The following RPA1 variants were observed in gnomAD, a reference collection of about 807,000 sequenced individuals.
RPA1 encodes the protein replication protein A 70 kDa DNA-binding subunit.
A neutral mutation model predicts 83.0 loss-of-function variants in RPA1; 49 were observed. That is an observed-to-expected ratio of 0.59 (90% CI 0.47 to 0.75). The LOEUF is 0.75. RPA1 is among the 30% of genes least tolerant of loss of function. The pLI is 0.00. For synonymous variants in RPA1, 279 were observed against 281.8 expected (o/e 0.99, Z 0.10); for missense variants, 693 against 776.1 (o/e 0.89, Z 1.27).
chr17:1,878,922 C>A, intron 8 of RPA1, 71 bp from the exon 9 acceptor site: 1 of 1,473,470 alleles, frequency 6.8e-7, no homozygotes, highest in South Asian at 1.1e-5. Flanking sequence ...TGTTCTATCC[C>A]AGTGTCACTT....
intron 8 of RPA1, among the ~76,000 whole-genome samples, chr17:1,878,167 G>A (rs1913638505): frequency 6.6e-6 from 1 of 151,632 alleles, no homozygotes; most frequent in Non-Finnish European, 1.5e-5. Flanking sequence ...CCAAGGAGGT[G>A]GAGGTTGGAG....
chr17:1,873,992 CAAAAAAA>C (rs71150832), intron 6 of RPA1, among the ~76,000 whole-genome samples: 8 of 45,442 alleles, frequency 1.8e-4, no homozygotes, highest in Admixed American at 3.2e-4. Flanking sequence ...GACTCTGTCT[CAAAAAAA>C]AAAAAAAAAA....
At chr17:1,891,700 A>C in intron 14 of RPA1, 133 bp from the exon 15 acceptor site, 1 of 578,402 alleles carries the variant, frequency 1.7e-6, no homozygotes, top group South Asian at 2.7e-5. Context: ...GATGACAGGC[A>C]TGAGCCCACT....
At chr17:1,865,412 A>G (rs1913139215) in intron 5 of RPA1, among the ~76,000 whole-genome samples, 1 of 152,242 alleles carries the variant, frequency 6.6e-6, no homozygotes, top group Admixed American at 6.5e-5. Context: ...TCTATTTCAC[A>G]TTTATATATT....
At chr17:1,832,551 T>C (rs902347709) in intron 1 of RPA1, among the ~76,000 whole-genome samples, 5 of 151,654 alleles carry the variant, frequency 3.3e-5, no homozygotes, top group Non-Finnish European at 7.4e-5. Context: ...GATGCCCGGC[T>C]AATTTTTGTA....
At chr17:1,896,952 C>A in intron 16 of RPA1, 119 bp from the exon 17 acceptor site, 2 of 799,874 alleles carry the variant, frequency 2.5e-6, no homozygotes, top group Non-Finnish European at 2.1e-6. Context: ...AATGACTGAA[C>A]TCTGAACCCG....
chr17:1,839,481 A>T (rs890130633), intron 1 of RPA1, among the ~76,000 whole-genome samples: 3 of 151,832 alleles, frequency 2.0e-5, no homozygotes, highest in African/African-American at 7.3e-5. Context: ...GCCCGCCACC[A>T]CACCCAGCCA....
At chr17:1,834,950 C>T (rs984402918) in intron 1 of RPA1, among the ~76,000 whole-genome samples, 12 of 152,130 alleles carry the variant, frequency 7.9e-5, no homozygotes, top group African/African-American at 2.9e-4. Context: ...CAACCTTCAC[C>T]TCCCAGGTTC....
chr17:1,890,797 G>C (rs761167151), intron 14 of RPA1, among the ~76,000 whole-genome samples: 13 of 152,190 alleles, frequency 8.5e-5, no homozygotes, highest in Non-Finnish European at 1.9e-4. Flanking sequence ...ATTTGTTTTA[G>C]TTTGTGGAAA....
At chr17:1,849,616 T>A (rs1273102931) in intron 4 of RPA1, among the ~76,000 whole-genome samples, 1 of 150,812 alleles carries the variant, frequency 6.6e-6, no homozygotes, top group East Asian at 1.9e-4. Context: ...ATTTGTCATT[T>A]TGTTTTTTTT....
rs1163887393 is a variant in RPA1, at chr17:1,830,118, G to A, written c.25G>A (p.Ala9Thr). The A allele has an allele frequency of 3.2e-6, 4 of 1,248,340 alleles. No individual in the cohort carries two copies. The highest frequency in any genetic ancestry group is 4.2e-5 in the Admixed American group (1 of 23,802). The allele number at this position is 1,248,340 out of a possible 1,614,324, so 77.3% of individuals were successfully genotyped here. ...CATGGTCGGCCAACTGAGCGAGGGGGCCATTGCGGTGAGGAGGTGCCGGGG... is the reference window on the plus strand; with the variant it reads ...CATGGTCGGCCAACTGAGCGAGGGGACCATTGCGGTGAGGAGGTGCCGGGG... The part of the protein sequence containing the change: MVGQLSEG[A>T]IAAIMQKGDT... Residue 9 changes from alanine to threonine, a missense_variant, in exon 1 of 17, where the codon GCC becomes ACC. Transcript: ENST00000254719.
At chr17:1,895,200 A>G in intron 16 of RPA1, 105 bp downstream of exon 16, 3 of 835,612 alleles carry the variant, frequency 3.6e-6, no homozygotes, top group Non-Finnish European at 5.7e-6. Context: ...ACTCACTGCC[A>G]GACCCCGGTG....
At chr17:1,881,534 G>T (rs977804642) in intron 12 of RPA1, among the ~76,000 whole-genome samples, 1 of 152,136 alleles carries the variant, frequency 6.6e-6, no homozygotes, top group African/African-American at 2.4e-5. Flanking sequence ...CGGTCCACAC[G>T]TATCTGCCGA....
chr17:1,843,036 G>A (rs1303939245), intron 2 of RPA1, among the ~76,000 whole-genome samples, 183 bp downstream of exon 2: 2 of 152,062 alleles, frequency 1.3e-5, no homozygotes, highest in South Asian at 2.1e-4. Context: ...ATGTTACTAC[G>A]TGAGCTGCTA....
intron 15 of RPA1, among the ~76,000 whole-genome samples, chr17:1,892,560 G>C (rs968938902): frequency 6.6e-5 from 10 of 152,184 alleles, no homozygotes; most frequent in Non-Finnish European, 1.0e-4. Flanking sequence ...GATGACTTAG[G>C]TCGGGAGGTG....
Position 1,880,711 on chromosome 17 carries a change from A to G in RPA1, c.1241+20A>G. The G allele has an allele frequency of 6.2e-7, 1 of 1,611,118 alleles. No homozygotes were observed. The highest frequency in any genetic ancestry group is 8.5e-7 in the Non-Finnish European group (1 of 1,178,810). ...TGGATGGTAGGTTTTGTGGGGCTAA[A>G]CAAAGGGTTACTTGAGGCTGGGCTT... On this transcript the variant is annotated intron_variant, in intron 12 of 16. Transcript: ENST00000254719.
chr17:1,888,777 C>G lies in RPA1; in HGVS notation c.1477C>G (p.Gln493Glu). The G allele has an allele frequency of 6.2e-7, 1 of 1,614,202 alleles. No individual in the cohort carries two copies. The highest frequency in any genetic ancestry group is 8.5e-7 in the Non-Finnish European group (1 of 1,180,046). The change falls in exon 14 of 17, where the codon CAA becomes GAA. Residue 493 changes from glutamine (Q) to glutamate (E), a missense_variant. Transcript: ENST00000254719. The part of the protein sequence containing the change: ...TQDCNKKVID[Q>E]QNGLYRCEKC... ...GGACTGCAATAAGAAAGTGATTGAT[C>G]AACAGAATGGATTGTACCGCTGTGA...
Position 1,850,971 on chromosome 17 carries a change from A to C in RPA1, c.273-2130A>C, listed in dbSNP as rs927982505. Reference sequence around the variant, plus strand: ...AAAAATCTTTTTTCTGGAAAACTTTAAACATCTACAAACATAGACAGAATA... The same window carrying C: ...AAAAATCTTTTTTCTGGAAAACTTTCAACATCTACAAACATAGACAGAATA... On this transcript the variant is annotated intron_variant, in intron 4 of 16. Coordinates refer to ENST00000254719, the MANE Select transcript of RPA1 (RefSeq NM_002945.5). Among the ~76,000 whole-genome samples the C allele has an allele frequency of 2.0e-4, 30 of 152,122 alleles. 1 individual carries two copies. The highest frequency in any genetic ancestry group is 1.8e-3 in the Admixed American group (27 of 15,266).
chr17:1,843,465 C>T (rs1015641588), intron 2 of RPA1, among the ~76,000 whole-genome samples: 2 of 151,854 alleles, frequency 1.3e-5, no homozygotes, highest in African/African-American at 4.8e-5. Flanking sequence ...CGCCTGATCA[C>T]GGACACATCA....
Sources: allele counts gnomAD v4.1 joint callset (sites outside exome capture counted in the v4.1 genomes callset), GRCh38; gene constraint gnomAD v4.1.1; transcripts MANE v1.5; gene names NCBI Gene and HGNC (gene_info 2026-07-23, HGNC 2026-07-21).